The following ANKRD13C variants were observed in gnomAD, a reference collection of about 807,000 sequenced individuals.
ANKRD13C encodes the protein ankyrin repeat domain 13C.
A neutral mutation model predicts 65.5 loss-of-function variants in ANKRD13C; 16 were observed. That is an observed-to-expected ratio of 0.24 (90% CI 0.17 to 0.37). The LOEUF (loss-of-function observed/expected upper bound fraction) is 0.37, where lower values mean the gene tolerates loss of function less well. Ranked by LOEUF, ANKRD13C falls within the 10% of genes least tolerant of loss-of-function variation. ANKRD13C has a pLI of 1.00. For synonymous variants in ANKRD13C, 235 were observed against 238.7 expected (o/e 0.98, Z 0.14); for missense variants, 503 against 655.9 (o/e 0.77, Z 2.55).
chr1:70,307,224 T>C (rs865878907), intron 5 of ANKRD13C, among the ~76,000 whole-genome samples: 2 of 152,216 alleles, frequency 1.3e-5, no homozygotes, highest in Non-Finnish European at 2.9e-5. Flanking sequence ...CAACATTTTC[T>C]AATTAACATT....
In ANKRD13C at chr1:70,331,106, C is replaced by T. The variant is rs564577206; in HGVS notation, c.472+4952G>A. Among the ~76,000 whole-genome samples, 64 of 152,286 alleles carry T rather than the reference C, an allele frequency of 4.2e-4. 2 individuals carry two copies. The highest frequency in any genetic ancestry group is 2.5e-4 in the Non-Finnish European group (17 of 68,024). ...TCTCTTTACCTCAATCAAAATATTA[C>T]GTGAACGCCCTGGGAAATTTTGTTG... On this transcript the variant is annotated intron_variant, in intron 2 of 12. Coordinates refer to ENST00000370944, the MANE Select transcript of ANKRD13C (RefSeq NM_030816.5).
chr1:70,274,674 T>A (rs1165069208), intron 11 of ANKRD13C, 46 bp downstream of exon 11: 1 of 1,386,342 alleles, frequency 7.2e-7, no homozygotes, highest in Non-Finnish European at 1.0e-6. Flanking sequence ...GCCTTTAGGG[T>A]TTAATAGTTT....
chr1:70,272,943 G>A lies in ANKRD13C; in HGVS notation c.1394+1777C>T, dbSNP rs6665352. Among the ~76,000 whole-genome samples the A allele has an allele frequency of 3.0e-3, 451 of 151,914 alleles. 5 individuals carry two copies. The highest frequency in any genetic ancestry group is 0.01 in the African/African-American group (433 of 41,396). On this transcript the variant is annotated intron_variant, in intron 11 of 12. Coordinates refer to ENST00000370944, the MANE Select transcript of ANKRD13C (RefSeq NM_030816.5). ...GCAGAGGTTGCAGTGAGCCGAGATT[G>A]TGCCACTGCACTCCAGCCTTGGCAA...
intron 7 of ANKRD13C, among the ~76,000 whole-genome samples, chr1:70,298,111 T>C (rs952296633): frequency 3.3e-5 from 5 of 152,122 alleles, no homozygotes; most frequent in African/African-American, 1.2e-4. Context: ...AAAAGTTAGG[T>C]TGCAGTAGTT....
intron 11 of ANKRD13C, among the ~76,000 whole-genome samples, chr1:70,274,294 C>T (rs1016901069): frequency 1.3e-5 from 2 of 151,026 alleles, no homozygotes; most frequent in South Asian, 2.1e-4. Context: ...GCCAACATGG[C>T]GAAACCTCAT....
intron 5 of ANKRD13C, among the ~76,000 whole-genome samples, chr1:70,308,750 A>G (rs1680705817): frequency 6.6e-6 from 1 of 151,796 alleles, no homozygotes; most frequent in Non-Finnish European, 1.5e-5. Context: ...AAAAAAAAAA[A>G]AAAAAAAATT....
At chr1:70,290,904 TGAG>T (rs2101247465) in intron 9 of ANKRD13C, among the ~76,000 whole-genome samples, 1 of 151,088 alleles carries the variant, frequency 6.6e-6, no homozygotes, top group South Asian at 2.1e-4. Flanking sequence ...TGCCAACAAC[TGAG>T]GGGAGAAAAG....
intron 5 of ANKRD13C, among the ~76,000 whole-genome samples, chr1:70,310,023 T>A (rs1170075658): frequency 6.6e-6 from 1 of 152,084 alleles, no homozygotes; most frequent in Non-Finnish European, 1.5e-5. Flanking sequence ...AGAAAACATA[T>A]AAAATATGTG....
At position 70,354,097 on chromosome 1, in the gene ANKRD13C, G is replaced by T. The variant is rs376840220; in HGVS notation, c.312C>A (p.Val104=). ...GTGCGGGGCAACTGCCTCCATCCGC[G>T]ACGACAGCAACGGGGTTGGTGCCGG... ...LLAGTNPVAV[V]ADGGSCPAHY... is the part of the protein sequence containing the mutation. Residue 104 remains valine, a synonymous_variant, in exon 1 of 13, where the codon GTC becomes GTA. Coordinates refer to ENST00000370944, the MANE Select transcript of ANKRD13C (RefSeq NM_030816.5). 3 of 1,612,438 alleles carry T rather than the reference G, an allele frequency of 1.9e-6. No individual in the cohort carries two copies. The highest frequency in any genetic ancestry group is 2.5e-6 in the Non-Finnish European group (3 of 1,178,936).
intron 1 of ANKRD13C, among the ~76,000 whole-genome samples, chr1:70,347,859 C>T (rs1326700139): frequency 1.3e-5 from 2 of 152,180 alleles, no homozygotes; most frequent in African/African-American, 4.8e-5. Flanking sequence ...AGGGGTATAA[C>T]ACACTTTAAT....
chr1:70,321,551 T>A (rs1681309696), intron 3 of ANKRD13C, among the ~76,000 whole-genome samples: 1 of 152,026 alleles, frequency 6.6e-6, no homozygotes, highest in Admixed American at 6.6e-5. Flanking sequence ...CTGCACAAAC[T>A]GTGAACAACT....
intron 7 of ANKRD13C, among the ~76,000 whole-genome samples, chr1:70,297,286 GATTTTTTTT>G (rs1680125911): frequency 1.6e-5 from 2 of 125,116 alleles, no homozygotes; most frequent in East Asian, 5.4e-4. Flanking sequence ...GTCCCTTTCT[GATTTTTTTT>G]TTTTTTTTTT....
intron 3 of ANKRD13C, among the ~76,000 whole-genome samples, chr1:70,320,964 C>T (rs1256094334): frequency 2.0e-5 from 3 of 151,556 alleles, no homozygotes; most frequent in Non-Finnish European, 4.4e-5. Context: ...AATTTTTGTA[C>T]TTTTTGTAGT....
At chr1:70,351,598 C>T (rs759855089) in intron 1 of ANKRD13C, among the ~76,000 whole-genome samples, 22 of 152,096 alleles carry the variant, frequency 1.4e-4, no homozygotes, top group Non-Finnish European at 5.9e-5. Flanking sequence ...CGGGGTTTCA[C>T]TATGTTGGTC....
intron 4 of ANKRD13C, among the ~76,000 whole-genome samples, 166 bp downstream of exon 4, chr1:70,315,315 T>C (rs1224297769): frequency 6.6e-6 from 1 of 152,196 alleles, no homozygotes; most frequent in African/African-American, 2.4e-5. Flanking sequence ...GAGGTGCTTC[T>C]ACTAAGATCA....
rs956792275 is a variant in ANKRD13C at position 70,281,881 on chromosome 1, TACTA to T, written c.1216-5041_1216-5038del. On this transcript the variant is annotated intron_variant, in intron 9 of 12. Coordinates refer to ENST00000370944, the MANE Select transcript of ANKRD13C (RefSeq NM_030816.5). ...GGCCAACATGGTGAAACCCCGTCTCTACTAACTACTCAAGAGGCTGAGGCAGGAG... is the reference window on the plus strand; with the variant it reads ...GGCCAACATGGTGAAACCCCGTCTCTACTACTCAAGAGGCTGAGGCAGGAG... Among the ~76,000 whole-genome samples the T allele has an allele frequency of 4.0e-5, 6 of 150,996 alleles. No individual in the cohort carries two copies. In the South Asian group the frequency reaches 1.1e-3, roughly 26 times the overall value.
chr1:70,320,222 A>G (rs1352457034), intron 3 of ANKRD13C, among the ~76,000 whole-genome samples: 3 of 152,262 alleles, frequency 2.0e-5, no homozygotes, highest in African/African-American at 7.2e-5. Flanking sequence ...AAACAAAGTT[A>G]GCAATTTTGG....
chr1:70,273,262 A>T (rs1462900589), intron 11 of ANKRD13C, among the ~76,000 whole-genome samples: 1 of 152,128 alleles, frequency 6.6e-6, no homozygotes, highest in Non-Finnish European at 1.5e-5. Flanking sequence ...GATCATTTTT[A>T]AAAAATGTAT....
chr1:70,334,062 A>T (rs934299119), intron 2 of ANKRD13C, among the ~76,000 whole-genome samples: 5 of 152,218 alleles, frequency 3.3e-5, no homozygotes, highest in Admixed American at 2.0e-4. Context: ...AGTGACTCAC[A>T]TCTGTAATCC....
Sources: allele counts gnomAD v4.1 joint callset (sites outside exome capture counted in the v4.1 genomes callset), GRCh38; gene constraint gnomAD v4.1.1; transcripts MANE v1.5; gene names NCBI Gene and HGNC (gene_info 2026-07-23, HGNC 2026-07-21).